The following CASR variants were observed in gnomAD, a reference collection of about 807,000 sequenced individuals.
CASR encodes calcium sensing receptor, also known as extracellular calcium-sensing receptor.
Under a neutral mutation model 69.1 loss-of-function variants are expected in CASR, and 23 were observed. That is an observed-to-expected ratio of 0.33 (90% CI 0.24 to 0.47). The LOEUF (loss-of-function observed/expected upper bound fraction) is 0.47. CASR is among the 20% of genes least tolerant of loss of function. The probability of loss-of-function intolerance (pLI) is 1.00; values close to 1 mark genes in which losing one functional copy is unlikely to be tolerated. For missense variants in CASR, 924 were observed against 1,356.1 expected (o/e 0.68, Z 5.00); for synonymous variants, 541 against 544.7 (o/e 0.99, Z 0.10).
intron 4 of CASR, among the ~76,000 whole-genome samples, chr3:122,275,597 T>C (rs2074807661): frequency 6.6e-6 from 1 of 152,220 alleles, no homozygotes; most frequent in South Asian, 2.1e-4. Context: ...CTAATCATAA[T>C]TTGAATAATA....
chr3:122,259,107 T>G (rs895990947), intron 3 of CASR, among the ~76,000 whole-genome samples: 1 of 152,154 alleles, frequency 6.6e-6, no homozygotes, highest in African/African-American at 2.4e-5. Flanking sequence ...AGGGGTTTTT[T>G]GGGGGGTTGG....
At chr3:122,210,637 C>T (rs939303095) in intron 1 of CASR, among the ~76,000 whole-genome samples, 1 of 152,094 alleles carries the variant, frequency 6.6e-6, no homozygotes, top group Non-Finnish European at 1.5e-5. Context: ...TAGGAAGAAC[C>T]AATATCATGA....
chr3:122,190,324 T>C (rs995898840), intron 1 of CASR, among the ~76,000 whole-genome samples: 4 of 152,204 alleles, frequency 2.6e-5, no homozygotes, highest in African/African-American at 9.7e-5. Flanking sequence ...CTCTTAAAAA[T>C]GAAAATAGTC....
intron 1 of CASR, among the ~76,000 whole-genome samples, chr3:122,244,312 G>A (rs1434470787): frequency 6.6e-6 from 1 of 152,014 alleles, no homozygotes; most frequent in Admixed American, 6.6e-5. Context: ...TATACCTGCT[G>A]TGTACCCACA....
rs577422173 is a variant in CASR at position 122,244,663 on chromosome 3, G to T, written c.-242-9285G>T. Among the ~76,000 whole-genome samples, 11 of 152,220 alleles carry T rather than the reference G, an allele frequency of 7.2e-5. No homozygotes were observed. In the South Asian group the frequency reaches 8.3e-4, roughly 11 times the overall value. On this transcript the variant is annotated intron_variant, in intron 1 of 6. Coordinates refer to ENST00000639785, the MANE Select transcript of CASR (RefSeq NM_000388.4). ...CTCCGGAGTTCTGGTTCTGTTTTTT[G>T]ATTTGGATGCTGGTTACATGAATGT...
chr3:122,184,637 C>G (rs1230347529), intron 1 of CASR: 3 of 152,592 alleles, frequency 2.0e-5, no homozygotes, highest in African/African-American at 7.2e-5. Context: ...GGGGCACACG[C>G]CGGAGCAGCT....
At chr3:122,186,296 C>A (rs993009976) in intron 1 of CASR, among the ~76,000 whole-genome samples, 6 of 152,130 alleles carry the variant, frequency 3.9e-5, no homozygotes, top group Non-Finnish European at 8.8e-5. Context: ...TAGAAGCTGC[C>A]ACTTCTAAGA....
chr3:122,284,209 G>A lies in CASR; in HGVS notation c.2255G>A (p.Arg752His), dbSNP rs771529256. The A allele has an allele frequency of 1.3e-5, 21 of 1,613,854 alleles. No homozygotes were observed. The highest frequency in any genetic ancestry group is 3.3e-4 in the Middle Eastern group (2 of 6,084). Residue 752 changes from arginine (R) to histidine (H), a missense_variant, in exon 7 of 7, where the codon CGC becomes CAC. Physicochemically the swap from Arg to His is conservative, Grantham distance 29. Transcript: ENST00000639785. The part of the protein sequence containing the change: ...WLYTAPPSSY[R>H]NQELEDEIIF... ...TACACCGCGCCCCCGTCAAGCTACC[G>A]CAACCAGGAGCTGGAGGATGAGATC...
At chr3:122,184,355 G>T (rs1378300704) in intron 1 of CASR, 2 of 152,860 alleles carry the variant, frequency 1.3e-5, no homozygotes, top group South Asian at 2.0e-4. Flanking sequence ...GGCCGGACCC[G>T]AAGGCGGGCG....
rs2074963070 is a variant in CASR at position 122,285,794 on chromosome 3, T to C, written c.*603T>C. 6.4e-6 allele frequency: 1 copy of C among 156,736 alleles called. No individual in the cohort carries two copies. Among genetic ancestry groups the C allele is most frequent in the Admixed American group, 6.1e-5 (1 of 16,342 alleles). 9.7% of individuals were successfully genotyped at this position (156,736 alleles called of 1,614,324 possible). On this transcript the variant is annotated 3_prime_UTR_variant, in exon 7 of 7. Transcript: ENST00000639785. ...TGTCCAGGACATGATACTGATGCCA[T>C]GTTTAGATTCCAGGATCACAAGAAT... is the stretch of plus-strand genomic sequence containing the variant.
chr3:122,201,722 G>A (rs6438711), intron 1 of CASR, among the ~76,000 whole-genome samples: 26,452 of 151,138 alleles, frequency 0.18, 2,377 homozygotes, highest in African/African-American at 0.21. Context: ...TGGTGGAGAC[G>A]CTCCTCACTT....
chr3:122,288,593 C>T lies in CASR; in HGVS notation c.*3402C>T, dbSNP rs2074988742. ...TCCCCTCTAATATTCTATTCCTCTA[C>T]ATCTGCTTGGGAAAGTATAAACCTC... On this transcript the variant is annotated 3_prime_UTR_variant, in exon 7 of 7. Coordinates refer to ENST00000639785, the MANE Select transcript of CASR (RefSeq NM_000388.4). 1 of 152,024 alleles carries T rather than the reference C, an allele frequency of 6.6e-6. No individual in the cohort carries two copies. The highest frequency in any genetic ancestry group is 6.6e-5 in the Admixed American group (1 of 15,256). The allele number at this position is 152,024 out of a possible 1,614,324, so 9.4% of individuals were successfully genotyped here.
At chr3:122,222,410 T>A (rs1440636568) in intron 1 of CASR, among the ~76,000 whole-genome samples, 1 of 152,086 alleles carries the variant, frequency 6.6e-6, no homozygotes, top group East Asian at 1.9e-4. Context: ...GAAAAAAAAA[T>A]TCCTATTTGG....
intron 1 of CASR, among the ~76,000 whole-genome samples, chr3:122,203,021 T>C (rs2073973315): frequency 6.6e-6 from 1 of 152,208 alleles, no homozygotes; most frequent in African/African-American, 2.4e-5. Context: ...CCTGCCATTA[T>C]CAACTATCTC....
intron 1 of CASR, among the ~76,000 whole-genome samples, chr3:122,197,798 A>G (rs1303509572): frequency 1.3e-5 from 2 of 152,004 alleles, no homozygotes; most frequent in Non-Finnish European, 2.9e-5. Context: ...TGCTGTCATC[A>G]CTTTGATCAT....
intron 4 of CASR, 53 bp from the exon 5 acceptor site, chr3:122,275,759 T>G (rs2074809734): frequency 8.6e-7 from 1 of 1,161,578 alleles, no homozygotes. Context: ...GCCTACCTAA[T>G]TAGTTCTATG....
rs565048111 is a variant in CASR at position 122,267,963 on chromosome 3, T to C, written c.1377+5551T>C. Among the ~76,000 whole-genome samples, 3 of 152,342 alleles carry C rather than the reference T, an allele frequency of 2.0e-5. No individual in the cohort carries two copies. The East Asian group carries it at 5.8e-4, about 29-fold the overall frequency. On this transcript the variant is annotated intron_variant, in intron 4 of 6. Coordinates refer to ENST00000639785, the MANE Select transcript of CASR (RefSeq NM_000388.4). ...TTCTCAACCTACATTTTATACCAGT[T>C]AACCTGTTGTAACTAGAGATAGGCA...
intron 1 of CASR, among the ~76,000 whole-genome samples, chr3:122,192,409 A>G (rs2073848441): frequency 1.3e-5 from 2 of 152,220 alleles, no homozygotes; most frequent in Admixed American, 1.3e-4. Flanking sequence ...AAACAACTAA[A>G]GGTTTTATGT....
At chr3:122,239,384 C>T (rs2074359231) in intron 1 of CASR, among the ~76,000 whole-genome samples, 1 of 152,216 alleles carries the variant, frequency 6.6e-6, no homozygotes, top group African/African-American at 2.4e-5. Flanking sequence ...GTTTAAGGGC[C>T]AGCTTAGATG....
Sources: allele counts gnomAD v4.1 joint callset (sites outside exome capture counted in the v4.1 genomes callset), GRCh38; gene constraint gnomAD v4.1.1; transcripts MANE v1.5; gene names NCBI Gene and HGNC (gene_info 2026-07-23, HGNC 2026-07-21).